Variants in LPA observed in about 807,000 individuals in gnomAD.
LPA encodes the protein lipoprotein(a).
A neutral mutation model predicts 197.9 loss-of-function variants in LPA; 199 were observed. That is an observed-to-expected ratio of 1.01 (90% confidence interval 0.90 to 1.13). The LOEUF (loss-of-function observed/expected upper bound fraction) is 1.13, where lower values mean the gene tolerates loss of function less well. Among genes scored for constraint, LPA ranks in the 50% most tolerant of loss-of-function variants. The probability of loss-of-function intolerance (pLI) is 0.00; values close to 1 mark genes in which losing one functional copy is unlikely to be tolerated. For synonymous variants in LPA, 715 were observed against 639.5 expected (o/e 1.12, Z -1.78); for missense variants, 1,853 against 1,785.8 (o/e 1.04, Z -0.68).
At chr6:160,601,370 G>A (rs975476303) in intron 18 of LPA, among the ~76,000 whole-genome samples, 1 of 152,106 alleles carries the variant, frequency 6.6e-6, no homozygotes, top group Non-Finnish European at 1.5e-5. Flanking sequence ...TGGCCAAAAA[G>A]GGATCAGAAT....
At chr6:160,597,505 G>T (rs1779157053) in intron 20 of LPA, among the ~76,000 whole-genome samples, 1 of 152,130 alleles carries the variant, frequency 6.6e-6, no homozygotes, top group African/African-American at 2.4e-5. Flanking sequence ...TATATGTGCA[G>T]CTATTTCTGT....
intron 18 of LPA, among the ~76,000 whole-genome samples, chr6:160,602,823 C>T (rs1779269795): frequency 1.3e-5 from 2 of 152,050 alleles, no homozygotes; most frequent in African/African-American, 4.8e-5. Flanking sequence ...TTAATGATAT[C>T]CCCTGTTAAC....
chr6:160,599,436 T>G, intron 20 of LPA, 64 bp downstream of exon 20: 6 of 1,602,014 alleles, frequency 3.7e-6, no homozygotes, highest in Non-Finnish European at 5.1e-6. Flanking sequence ...CCTTGAAGCA[T>G]GACTCTTCTA....
chr6:160,574,649 A>G (rs1235824828), intron 28 of LPA, among the ~76,000 whole-genome samples: 2 of 152,102 alleles, frequency 1.3e-5, no homozygotes, highest in African/African-American at 2.4e-5. Context: ...TAAAGTTGGG[A>G]ACTTCTCCTG....
At chr6:160,584,768 C>G (rs2115038016) in intron 26 of LPA, among the ~76,000 whole-genome samples, 1 of 152,246 alleles carries the variant, frequency 6.6e-6, no homozygotes, top group South Asian at 2.1e-4. Flanking sequence ...GATACTTTGT[C>G]TCAGCATTTG....
chr6:160,603,260 G>GTGTGTGTGTA (rs1562340343), intron 18 of LPA, among the ~76,000 whole-genome samples: 1 of 149,700 alleles, frequency 6.7e-6, no homozygotes, highest in African/African-American at 2.4e-5. Context: ...GTGTGTGTGT[G>GTGTGTGTGTA]CGTGCATGTT....
intron 20 of LPA, among the ~76,000 whole-genome samples, chr6:160,597,456 G>A (rs1435142600): frequency 1.3e-5 from 2 of 152,200 alleles, no homozygotes; most frequent in Non-Finnish European, 2.9e-5. Context: ...ATTCACACCT[G>A]TGTGGGTGTG....
intron 16 of LPA, 74 bp downstream of exon 16, chr6:160,611,488 G>C (rs1779517570): frequency 1.9e-6 from 3 of 1,585,972 alleles, no homozygotes; most frequent in South Asian, 1.1e-5. Flanking sequence ...GGAGAACTCA[G>C]CTTGAAGCAT....
chr6:160,580,178 G>A (rs2115033651), intron 26 of LPA, among the ~76,000 whole-genome samples: 1 of 152,166 alleles, frequency 6.6e-6, no homozygotes, highest in South Asian at 2.1e-4. Context: ...ATATTTTTGA[G>A]GTTTGTTCAT....
rs1562331223 is a variant in LPA, at chr6:160,584,227, CTTCTTCTTCT to C, written c.4289+809_4289+818del. On this transcript the variant is annotated intron_variant, in intron 26 of 38. Coordinates refer to ENST00000316300, the MANE Select transcript of LPA (RefSeq NM_005577.4). ...TCTTCTTCTTCTTCTTCTTCTTCTT[CTTCTTCTTCT>C]TCCTCCTCCTCCTCCTCCTCCTCTT... Among the ~76,000 whole-genome samples, 73 of 100,706 alleles carry C rather than the reference CTTCTTCTTCT, an allele frequency of 7.2e-4. 1 individual carries two copies. Among genetic ancestry groups the C allele is most frequent in the East Asian group, 2.6e-3 (4 of 1,518 alleles). 66.1% of individuals were successfully genotyped at this position (100,706 alleles called of 152,430 possible). A position where few individuals can be genotyped will look rare whatever the true frequency, so the allele number is the denominator to read the frequency against.
chr6:160,552,743 T>C (rs1188497941), intron 30 of LPA, among the ~76,000 whole-genome samples: 1 of 152,214 alleles, frequency 6.6e-6, no homozygotes, highest in Non-Finnish European at 1.5e-5. Flanking sequence ...TTAAAGAGTA[T>C]TTATTCTAAA....
At chr6:160,584,161 C>T (rs976289295) in intron 26 of LPA, among the ~76,000 whole-genome samples, 24 of 148,948 alleles carry the variant, frequency 1.6e-4, no homozygotes, top group Admixed American at 4.0e-4. Context: ...TATATGCACT[C>T]ATTTCTATTT....
chr6:160,577,596 G>A (rs1038248067), intron 27 of LPA, among the ~76,000 whole-genome samples: 3 of 152,184 alleles, frequency 2.0e-5, no homozygotes, highest in African/African-American at 7.2e-5. Context: ...GAGAACCACA[G>A]GGCAGAAGAC....
intron 23 of LPA, 89 bp downstream of exon 23, chr6:160,590,855 A>T: frequency 1.3e-6 from 2 of 1,542,116 alleles, no homozygotes; most frequent in East Asian, 4.5e-5. Context: ...ATTCCCGTGC[A>T]GCATGGAAGG....
At position 160,547,048 on chromosome 6, in the gene LPA, T is replaced by TTCAAAAAG. The variant is rs1471841484; in HGVS notation, c.5304+740_5304+741insCTTTTTGA. On this transcript the variant is annotated intron_variant, in intron 32 of 38. Coordinates refer to ENST00000316300, the MANE Select transcript of LPA (RefSeq NM_005577.4). ...AGAGACCAGTTTCATAAAAGGCAAT[T>TTCAAAAAG]TTTCTGTGCACCTGGGGTGAGGGGG... 4.6e-5 allele frequency among the ~76,000 whole-genome samples: 7 copies of TTCAAAAAG among 152,074 alleles called. No homozygotes were observed. The South Asian group carries it at 6.2e-4, about 14-fold the overall frequency.
Position 160,611,624 on chromosome 6 carries a change from G to C in LPA, c.2541C>G (p.Cys847Trp), listed in dbSNP as rs753321675. The C allele has an allele frequency of 1.5e-5, 24 of 1,596,576 alleles. No homozygotes were observed. The Admixed American group carries it at 2.8e-4, about 19-fold the overall frequency. Reference protein sequence around the residue: ...TYSTTVTGRTCQAWSSMTPHS... With the variant: ...TYSTTVTGRTWQAWSSMTPHS... The stretch of plus-strand genomic sequence containing the variant: ...GTGGTGTCATAGATGACCAAGCTTG[G>C]CAGGTTCTTCCAGTGACAGTGGTGG... The change falls in exon 16 of 39, where the codon TGC (cysteine) becomes TGG (tryptophan). Residue 847 changes from cysteine to tryptophan, a missense_variant. Cys to Trp is a radical substitution (Grantham distance 215). Transcript: ENST00000316300.
chr6:160,602,133 C>G (rs9355297), intron 18 of LPA, among the ~76,000 whole-genome samples: 28,623 of 152,070 alleles, frequency 0.19, 3,532 homozygotes, highest in East Asian at 0.42. Context: ...ACACATGTGA[C>G]CTAGTCTCAA....
chr6:160,573,646 T>C (rs1778602806), intron 28 of LPA, among the ~76,000 whole-genome samples: 1 of 152,206 alleles, frequency 6.6e-6, no homozygotes. Context: ...CCTCTTTTCC[T>C]ATGGATGTGG....
At chr6:160,594,791 C>T (rs1285195728) in intron 21 of LPA, among the ~76,000 whole-genome samples, 1 of 152,160 alleles carries the variant, frequency 6.6e-6, no homozygotes, top group East Asian at 1.9e-4. Flanking sequence ...AGATCCCTCC[C>T]ATCAAAGCCT....
Sources: gnomAD v4.1 joint callset for allele counts (sites outside exome capture counted in the v4.1 genomes callset) on GRCh38, gnomAD v4.1.1 for gene constraint, MANE v1.5 for transcripts, NCBI Gene and HGNC (gene_info 2026-07-23, HGNC 2026-07-21) for gene names.